The following AGAP1 variants were observed in gnomAD, a reference collection of about 807,000 sequenced individuals.
AGAP1 encodes the protein arf-GAP with GTPase, ANK repeat and PH domain-containing protein 1.
AGAP1 carries 29 observed loss-of-function variants against 105.3 expected under a neutral mutation model. The ratio of observed to expected loss-of-function variants is 0.28; its 90% CI spans 0.21 to 0.38. The LOEUF (loss-of-function observed/expected upper bound fraction) is 0.38. Among genes scored for constraint, AGAP1 ranks in the 10% least tolerant of loss-of-function variants. The pLI is 1.00. For synonymous variants in AGAP1, 509 were observed against 485.9 expected (o/e 1.05, Z -0.63); for missense variants, 998 against 1,165.1 (o/e 0.86, Z 2.09).
chr2:236,084,105 A>G (rs2058858511), intron 16 of AGAP1, among the ~76,000 whole-genome samples: 1 of 152,182 alleles, frequency 6.6e-6, no homozygotes, highest in Non-Finnish European at 1.5e-5. Context: ...CACCCCTGTC[A>G]TAAAACCCCT....
At chr2:235,898,029 G>A (rs2050888805) in intron 10 of AGAP1, among the ~76,000 whole-genome samples, 1 of 152,154 alleles carries the variant, frequency 6.6e-6, no homozygotes, top group Admixed American at 6.5e-5. Flanking sequence ...CCCCTCGATG[G>A]CTGGGAGGGC....
chr2:235,781,098 A>G (rs1327468246), intron 6 of AGAP1, among the ~76,000 whole-genome samples: 1 of 152,232 alleles, frequency 6.6e-6, no homozygotes, highest in African/African-American at 2.4e-5. Context: ...TCCACTGATT[A>G]TATTTAATCT....
rs1191034617 is a variant in AGAP1, at chr2:235,888,051, G to A, written c.1155+4602G>A. On this transcript the variant is annotated intron_variant, in intron 10 of 17. Coordinates refer to ENST00000304032, the MANE Select transcript of AGAP1 (RefSeq NM_001037131.3). The surrounding 1 kb of genome is among the most constrained non-coding windows in gnomAD (Gnocchi z 4.8). ...CCGCTCACAGTCCACGTAAGGCTGC[G>A]CCCTGGTGCCACCACCAGCCTCCTT... Among the ~76,000 whole-genome samples, 2 of 152,134 alleles carry A rather than the reference G, an allele frequency of 1.3e-5. No homozygotes were observed. The highest frequency in any genetic ancestry group is 2.9e-5 in the Non-Finnish European group (2 of 68,020).
rs1014036194 is a variant in AGAP1 at position 236,014,747 on chromosome 2, C to A, written c.1646-21814C>A. On this transcript the variant is annotated intron_variant, in intron 13 of 17. Transcript: ENST00000304032. The surrounding 1 kb of genome is among the most constrained non-coding windows in gnomAD (Gnocchi z 6.3). Reference sequence around the variant, plus strand: ...TTTTTCTCCCCTTTTCATTTGTTTTCTTTTCCTTTTTGTTTTCTCTCTTTT... The same window carrying A: ...TTTTTCTCCCCTTTTCATTTGTTTTATTTTCCTTTTTGTTTTCTCTCTTTT... The A allele has an allele frequency of 1.8e-5, 7 of 391,750 alleles. No individual in the cohort carries two copies. The highest frequency in any genetic ancestry group is 3.1e-5 in the Non-Finnish European group (6 of 192,072). The allele number at this position is 391,750 out of a possible 1,614,324, so 24.3% of individuals were successfully genotyped here. A position where few individuals can be genotyped will look rare whatever the true frequency, so the allele number is the denominator to read the frequency against.
At chr2:235,892,597 G>A (rs75918976) in intron 10 of AGAP1, among the ~76,000 whole-genome samples, 1 of 146,676 alleles carries the variant, frequency 6.8e-6, no homozygotes, top group African/African-American at 2.6e-5. Context: ...AAAAAAAAAA[G>A]ATTGCTATGA....
At chr2:236,115,392 C>G (rs908811125) in intron 16 of AGAP1, among the ~76,000 whole-genome samples, 4 of 152,192 alleles carry the variant, frequency 2.6e-5, no homozygotes, top group Non-Finnish European at 5.9e-5. Context: ...GTCTACACCA[C>G]TAAGTCGAGA....
intron 13 of AGAP1, among the ~76,000 whole-genome samples, chr2:236,029,965 C>CT (rs1339376635): frequency 6.6e-6 from 1 of 152,122 alleles, no homozygotes; most frequent in Non-Finnish European, 1.5e-5. Context: ...TCTTGAACTC[C>CT]TGGGCTCAAG....
At chr2:236,099,441 C>T (rs998113990) in intron 16 of AGAP1, among the ~76,000 whole-genome samples, 7 of 151,012 alleles carry the variant, frequency 4.6e-5, no homozygotes, top group South Asian at 2.1e-4. Flanking sequence ...GGCGACAGAG[C>T]GAGACTCCGC....
chr2:235,869,842 A>G (rs141964221), intron 9 of AGAP1, among the ~76,000 whole-genome samples: 168 of 152,292 alleles, frequency 1.1e-3, no homozygotes, highest in Non-Finnish European at 1.7e-3. Context: ...TTCTTCCTCA[A>G]ATAGTCTCAG....
chr2:235,652,728 T>C (rs563080252), intron 1 of AGAP1, among the ~76,000 whole-genome samples: 4 of 151,108 alleles, frequency 2.6e-5, no homozygotes, highest in African/African-American at 9.8e-5. Flanking sequence ...CCCATCTCCC[T>C]TAAAAACACA....
intron 13 of AGAP1, among the ~76,000 whole-genome samples, chr2:236,010,720 A>G (rs2056481341): frequency 6.6e-6 from 1 of 152,200 alleles, no homozygotes; most frequent in South Asian, 2.1e-4. Context: ...GTGTTCCTCA[A>G]CAGGAGGGCT....
At chr2:235,495,247 CGT>C (rs1381425916) in intron 1 of AGAP1, among the ~76,000 whole-genome samples, 3 of 151,896 alleles carry the variant, frequency 2.0e-5, no homozygotes, top group African/African-American at 7.3e-5. Context: ...ACGTTGAAGA[CGT>C]GTTCTGAGAA....
Position 235,908,287 on chromosome 2 carries a change from T to G in AGAP1, c.1156-451T>G, listed in dbSNP as rs1358981092. Among the ~76,000 whole-genome samples, 1 of 152,220 alleles carries G rather than the reference T, an allele frequency of 6.6e-6. No individual in the cohort carries two copies. The highest frequency in any genetic ancestry group is 1.5e-5 in the Non-Finnish European group (1 of 68,038). On this transcript the variant is annotated intron_variant, in intron 10 of 17. Coordinates refer to ENST00000304032, the MANE Select transcript of AGAP1 (RefSeq NM_001037131.3). This position sits in a 1 kb window ranked among gnomAD's most constrained non-coding sequence, Gnocchi z 4.4. The stretch of plus-strand genomic sequence containing the variant: ...TTTACTTCCAGTTTTCACCTGATTT[T>G]TCACCAGAGAGCTTCAGTCTTATCT...
At position 235,614,751 on chromosome 2, in the gene AGAP1, C is replaced by A. The variant is rs139713951; in HGVS notation, c.164-94428C>A. Among the ~76,000 whole-genome samples the A allele has an allele frequency of 1.2e-4, 19 of 152,298 alleles. No individual in the cohort carries two copies. Among genetic ancestry groups the A allele is most frequent in the African/African-American group, 4.6e-4 (19 of 41,562 alleles). On this transcript the variant is annotated intron_variant, in intron 1 of 17. Transcript: ENST00000304032. The surrounding 1 kb of genome is among the most constrained non-coding windows in gnomAD (Gnocchi z 4.7). ...GCTAACTCAGTATTCACCGTGAATT[C>A]TTTTGTGGGAAATAGAACACAGCGT... is the stretch of plus-strand genomic sequence containing the variant.
intron 16 of AGAP1, among the ~76,000 whole-genome samples, chr2:236,116,395 G>A (rs1431188015): frequency 7.3e-6 from 1 of 136,160 alleles, no homozygotes; most frequent in African/African-American, 2.7e-5. Flanking sequence ...TGTCGCCCAC[G>A]CTGGAGTGCA....
chr2:235,657,460 C>T (rs1947810016), intron 1 of AGAP1, among the ~76,000 whole-genome samples: 1 of 152,154 alleles, frequency 6.6e-6, no homozygotes, highest in Non-Finnish European at 1.5e-5. Flanking sequence ...CTCACTGCAA[C>T]CTCTGCCTCT....
At chr2:235,496,763 G>A (rs74481213) in intron 1 of AGAP1, among the ~76,000 whole-genome samples, 11 of 150,478 alleles carry the variant, frequency 7.3e-5, no homozygotes, top group Non-Finnish European at 7.4e-5. Flanking sequence ...TCCCTTAAAA[G>A]AAAAAAAAAA....
At chr2:235,929,849 G>A (rs2052636569) in intron 11 of AGAP1, among the ~76,000 whole-genome samples, 2 of 152,308 alleles carry the variant, frequency 1.3e-5, no homozygotes, top group South Asian at 4.2e-4. Context: ...TATGGGCTGC[G>A]TATTTATTAT....
chr2:235,633,315 C>T lies in AGAP1; in HGVS notation c.164-75864C>T, dbSNP rs1040746025. On this transcript the variant is annotated intron_variant, in intron 1 of 17. Transcript: ENST00000304032. The surrounding 1 kb of genome is among the most constrained non-coding windows in gnomAD (Gnocchi z 4.8). ...TTGGACAAATAGGGCATGAGCGGGCCGGGCGTGGTGGCTCATGCCTGTAAT... is the reference window on the plus strand; with the variant it reads ...TTGGACAAATAGGGCATGAGCGGGCTGGGCGTGGTGGCTCATGCCTGTAAT... Among the ~76,000 whole-genome samples, 5 of 152,080 alleles carry T rather than the reference C, an allele frequency of 3.3e-5. No homozygotes were observed. Among genetic ancestry groups the T allele is most frequent in the Non-Finnish European group, 7.4e-5 (5 of 68,000 alleles).
Sources: allele counts gnomAD v4.1 joint callset (sites outside exome capture counted in the v4.1 genomes callset), GRCh38; gene constraint gnomAD v4.1.1; non-coding constraint Gnocchi (gnomAD v3.1); transcripts MANE v1.5; gene names NCBI Gene and HGNC (gene_info 2026-07-23, HGNC 2026-07-21).